The following LRBA variants were observed in gnomAD, a reference collection of about 807,000 sequenced individuals.
LRBA encodes LPS responsive beige-like anchor protein, also known as lipopolysaccharide-responsive and beige-like anchor protein.
LRBA carries 176 observed loss-of-function variants against 330.0 expected under a neutral mutation model. The observed-to-expected ratio is 0.53, with a 90% CI of 0.47 to 0.60. The LOEUF (loss-of-function observed/expected upper bound fraction) is 0.60. Ranked by LOEUF, LRBA falls within the 20% of genes least tolerant of loss-of-function variation. LRBA has a pLI of 0.00. For missense variants in LRBA, 3,259 were observed against 3,444.8 expected (o/e 0.95, Z 1.35); for synonymous variants, 1,230 against 1,193.0 (o/e 1.03, Z -0.64).
chr4:150,733,576 T>TCACACA (rs34846017), intron 36 of LRBA, among the ~76,000 whole-genome samples: 1 of 145,390 alleles, frequency 6.9e-6, no homozygotes, highest in African/African-American at 2.5e-5. Context: ...TCTCTCTCTC[T>TCACACA]CACACACACA....
intron 2 of LRBA, among the ~76,000 whole-genome samples, chr4:150,929,461 G>A (rs954932122): frequency 3.9e-5 from 6 of 152,104 alleles, no homozygotes; most frequent in Admixed American, 2.0e-4. Context: ...ATGAGCTCAC[G>A]GTAAAACTGA....
chr4:150,272,907 C>T (rs556311593), intron 56 of LRBA, among the ~76,000 whole-genome samples: 3 of 152,122 alleles, frequency 2.0e-5, no homozygotes, highest in South Asian at 2.1e-4. Flanking sequence ...TCCAGGAGAA[C>T]GTCCCCAACC....
chr4:150,435,568 T>C (rs756551978), intron 46 of LRBA, 21 bp downstream of exon 46: 2 of 1,595,962 alleles, frequency 1.3e-6, no homozygotes, highest in Non-Finnish European at 8.5e-7. Context: ...ATAACAACTA[T>C]AAAACAAAAC....
chr4:150,343,942 C>T (rs751445981), intron 48 of LRBA, among the ~76,000 whole-genome samples: 1 of 152,174 alleles, frequency 6.6e-6, no homozygotes, highest in Non-Finnish European at 1.5e-5. Flanking sequence ...ACACAAGTCC[C>T]CATGCTATCC....
At chr4:150,779,296 T>A (rs991853154) in intron 34 of LRBA, among the ~76,000 whole-genome samples, 1 of 152,108 alleles carries the variant, frequency 6.6e-6, no homozygotes, top group Non-Finnish European at 1.5e-5. Flanking sequence ...AATACATATG[T>A]GTTTCTTTTT....
chr4:150,269,010 A>ACTT (rs1580845341), intron 56 of LRBA, among the ~76,000 whole-genome samples: 2 of 151,676 alleles, frequency 1.3e-5, no homozygotes, highest in Non-Finnish European at 2.9e-5. Context: ...AAACAAAACA[A>ACTT]AAGAGCTAAT....
At chr4:150,267,888 C>T (rs1373602195) in intron 56 of LRBA, among the ~76,000 whole-genome samples, 4 of 151,874 alleles carry the variant, frequency 2.6e-5, no homozygotes, top group African/African-American at 4.8e-5. Context: ...GGGGAAACCT[C>T]GTCTCTACTA....
intron 17 of LRBA, among the ~76,000 whole-genome samples, chr4:150,890,758 T>C (rs895452835): frequency 6.6e-6 from 1 of 152,220 alleles, no homozygotes; most frequent in Admixed American, 6.5e-5. Flanking sequence ...AATGAAGTTA[T>C]TCACATGTAG....
intron 35 of LRBA, among the ~76,000 whole-genome samples, chr4:150,756,045 CAAA>C (rs70941436): frequency 1.6e-5 from 2 of 127,796 alleles, no homozygotes; most frequent in Admixed American, 8.0e-5. Flanking sequence ...GACCCTATCT[CAAA>C]AAAAAAAAAA....
intron 40 of LRBA, among the ~76,000 whole-genome samples, chr4:150,499,355 T>C (rs1196118069): frequency 1.3e-5 from 2 of 152,188 alleles, no homozygotes; most frequent in Non-Finnish European, 2.9e-5. Flanking sequence ...AAAGTATTTC[T>C]GTCAGGGCCA....
intron 31 of LRBA, among the ~76,000 whole-genome samples, chr4:150,811,436 A>G (rs569207951): frequency 1.3e-5 from 2 of 152,168 alleles, no homozygotes; most frequent in African/African-American, 4.8e-5. Flanking sequence ...GGAAAAAAAA[A>G]AAAAGGGGGT....
intron 43 of LRBA, among the ~76,000 whole-genome samples, chr4:150,468,893 A>G (rs1317074681): frequency 2.0e-5 from 3 of 151,914 alleles, no homozygotes; most frequent in African/African-American, 7.2e-5. Flanking sequence ...AGGGTAACAG[A>G]GTTCATTTTT....
In LRBA at chr4:150,638,268, C is replaced by A. The variant is rs11735733; in HGVS notation, c.5922-39137G>T. Among the ~76,000 whole-genome samples, 818 of 152,140 alleles carry A rather than the reference C, an allele frequency of 5.4e-3. 1 individual carries two copies. Among genetic ancestry groups the A allele is most frequent in the Non-Finnish European group, 7.1e-3 (483 of 67,970 alleles). ...GGTCTTGAACTCCTGACCTCGTGATCCACCCGCCTCAGCCTACCAAAGCGC... is the reference window on the plus strand; with the variant it reads ...GGTCTTGAACTCCTGACCTCGTGATACACCCGCCTCAGCCTACCAAAGCGC... On this transcript the variant is annotated intron_variant, in intron 37 of 56. Transcript: ENST00000651943.
intron 48 of LRBA, among the ~76,000 whole-genome samples, chr4:150,333,930 C>A (rs935184345): frequency 6.6e-6 from 1 of 152,010 alleles, no homozygotes; most frequent in South Asian, 2.1e-4. Flanking sequence ...GGATGAAAAT[C>A]CCAAAAGAGA....
chr4:150,808,500 G>A lies in LRBA; in HGVS notation c.5306-102C>T, dbSNP rs184207892. ...TACCAGTCAATAAAAGCATTATAAC[G>A]TATTTTTATGTCCATTACTATTTGG... On this transcript the variant is annotated intron_variant, in intron 31 of 56. Transcript: ENST00000651943. 1,075 of 656,590 alleles carry A rather than the reference G, an allele frequency of 1.6e-3. 10 individuals carry two copies. The highest frequency in any genetic ancestry group is 0.016 in the East Asian group (602 of 37,156). 40.7% of individuals were successfully genotyped at this position (656,590 alleles called of 1,614,324 possible). A position where few individuals can be genotyped will look rare whatever the true frequency, so the allele number is the denominator to read the frequency against.
intron 2 of LRBA, among the ~76,000 whole-genome samples, chr4:150,994,293 G>A (rs1006296848): frequency 1.3e-5 from 2 of 152,078 alleles, no homozygotes; most frequent in African/African-American, 4.8e-5. Flanking sequence ...CATCTTTTGT[G>A]ACCTCGACTG....
chr4:150,470,408 T>C (rs1755951656), intron 43 of LRBA, among the ~76,000 whole-genome samples: 1 of 152,230 alleles, frequency 6.6e-6, no homozygotes, highest in Non-Finnish European at 1.5e-5. Flanking sequence ...ACTTTCCTTC[T>C]CTCTTCTCAT....
chr4:150,283,177 T>A (rs1212151484), intron 54 of LRBA, among the ~76,000 whole-genome samples: 1 of 151,922 alleles, frequency 6.6e-6, no homozygotes, highest in Non-Finnish European at 1.5e-5. Context: ...TGAAAGGGGG[T>A]CCCTGGTAGT....
intron 34 of LRBA, among the ~76,000 whole-genome samples, chr4:150,786,917 G>T (rs1325074246): frequency 2.0e-5 from 3 of 152,148 alleles, no homozygotes; most frequent in African/African-American, 7.2e-5. Flanking sequence ...AAATGAAGAG[G>T]ATTTTGAGTG....
Sources: allele counts gnomAD v4.1 joint callset (sites outside exome capture counted in the v4.1 genomes callset), GRCh38; gene constraint gnomAD v4.1.1; transcripts MANE v1.5; gene names NCBI Gene and HGNC (gene_info 2026-07-23, HGNC 2026-07-21).